The following SPTBN5 variants were observed in gnomAD, a reference collection of about 807,000 sequenced individuals.
The protein encoded by SPTBN5 is spectrin beta, non-erythrocytic 5, also known as spectrin beta chain, non-erythrocytic 5.
SPTBN5 carries 513 observed loss-of-function variants against 477.6 expected under a neutral mutation model. The observed-to-expected ratio is 1.07, with a 90% CI of 1.00 to 1.16. The LOEUF (loss-of-function observed/expected upper bound fraction) is 1.16. Ranked by LOEUF, SPTBN5 falls within the 50% of genes most tolerant of loss-of-function variation. The pLI, the probability that SPTBN5 is intolerant of heterozygous loss-of-function variation, is 0.00. For missense variants in SPTBN5, 5,062 were observed against 4,731.8 expected (o/e 1.07, Z -2.05); for synonymous variants, 2,169 against 2,011.7 (o/e 1.08, Z -2.09).
Position 41,873,494 on chromosome 15 carries a change from G to T in SPTBN5, c.5005C>A (p.Gln1669Lys). The change falls in exon 26 of 68, where the codon CAG (glutamine) becomes AAG (lysine). Residue 1669 changes from glutamine to lysine, a missense_variant and splice_region_variant. Coordinates refer to ENST00000320955, the MANE Select transcript of SPTBN5 (RefSeq NM_016642.4). ...AGGGGAGGCTCAGGACGTGGTACCT[G>T]GTGCTTGTTAATGAGCCTGAGGGTG... ...AATLRLINKH[Q>K]ALQEELAIYW... 1.3e-6 allele frequency: 2 copies of T among 1,550,632 alleles called. No individual in the cohort carries two copies. The highest frequency in any genetic ancestry group is 2.4e-5 in the East Asian group (1 of 40,916).
chr15:41,866,604 C>T (rs1168831900), intron 36 of SPTBN5, 111 bp from the exon 37 acceptor site: 6 of 1,251,294 alleles, frequency 4.8e-6, no homozygotes, highest in Non-Finnish European at 6.3e-6. Flanking sequence ...GTGGGGCGGG[C>T]AGCACCTGGT....
At chr15:41,863,581 C>T in intron 41 of SPTBN5, 123 bp downstream of exon 41, 2 of 745,606 alleles carry the variant, frequency 2.7e-6, no homozygotes, top group Non-Finnish European at 4.5e-6. Context: ...GACCCACCTC[C>T]AAGTACCCAG....
At chr15:41,851,947 T>C in intron 62 of SPTBN5, 97 bp from the exon 63 acceptor site, 1 of 1,063,536 alleles carries the variant, frequency 9.4e-7, no homozygotes, top group Non-Finnish European at 1.4e-6. Flanking sequence ...ATTCCTCCCA[T>C]CCAAGTACTA....
chr15:41,860,156 C>A lies in SPTBN5; in HGVS notation c.7988+430G>T, dbSNP rs184156712. ...CACAGTGCTTTCGTCCTCATCACAG[C>A]CGTTAAAGCCCAGGATGTGAGGCTC... On this transcript the variant is annotated intron_variant, in intron 47 of 67. Transcript: ENST00000320955. Among the ~76,000 whole-genome samples the A allele has an allele frequency of 3.2e-3, 494 of 152,320 alleles. 2 individuals are homozygous for A. Among genetic ancestry groups the A allele is most frequent in the Non-Finnish European group, 4.8e-3 (328 of 68,014 alleles).
At position 41,861,939 on chromosome 15, in the gene SPTBN5, G is replaced by T. The variant is rs912855940; in HGVS notation, c.7549-16C>A. ...CCAGCTCGGCCTGGAACAGGACTGG[G>T]CTCAGATCACTGGGGGCTGGAAGCA... is the stretch of plus-strand genomic sequence containing the variant. On this transcript the variant is annotated splice_polypyrimidine_tract_variant and intron_variant, in intron 44 of 67. Transcript: ENST00000320955. 6.3e-7 allele frequency: 1 copy of T among 1,591,166 alleles called. No homozygotes were observed. Among genetic ancestry groups the T allele is most frequent in the East Asian group, 2.3e-5 (1 of 44,282 alleles).
At chr15:41,868,683 C>T (rs773503113) in intron 32 of SPTBN5, 82 bp from the exon 33 acceptor site, 37 of 1,414,710 alleles carry the variant, frequency 2.6e-5, no homozygotes, top group Non-Finnish European at 3.6e-5. Flanking sequence ...AACTGCAGCC[C>T]ACCTGAGTCC....
At chr15:41,849,151 A>G (rs1205489328) in intron 67 of SPTBN5, among the ~76,000 whole-genome samples, 2 of 152,208 alleles carry the variant, frequency 1.3e-5, no homozygotes, top group Admixed American at 1.3e-4. Context: ...TCCCTCCTCC[A>G]CTTTCACCTA....
Position 41,874,296 on chromosome 15 carries a change from T to C in SPTBN5, c.4685A>G (p.His1562Arg). The C allele has an allele frequency of 6.2e-7, 1 of 1,610,638 alleles. No homozygotes were observed. Among genetic ancestry groups the C allele is most frequent in the Middle Eastern group, 1.7e-4 (1 of 6,034 alleles). Reference sequence around the variant, plus strand: ...TAGGAAGAAGAGGGCTATTACCTTGTGCTTGCGGTGAAGGCTCTGGGCACC... The same window carrying C: ...TAGGAAGAAGAGGGCTATTACCTTGCGCTTGCGGTGAAGGCTCTGGGCACC... ...LNGAQSLHRK[H>R]KELQVEVKAH... The change falls in exon 24 of 68, where the codon CAC becomes CGC. Residue 1562 changes from histidine to arginine, a missense_variant. By Grantham distance (29) the His-to-Arg change is conservative. Transcript: ENST00000320955.
At chr15:41,866,663 C>T (rs2066327668) in intron 36 of SPTBN5, 170 bp from the exon 37 acceptor site, 2 of 849,722 alleles carry the variant, frequency 2.4e-6, no homozygotes, top group Non-Finnish European at 3.4e-6. Flanking sequence ...CAGGAGGCAG[C>T]CGGGCAGGGC....
At position 41,848,235 on chromosome 15, in the gene SPTBN5, T is replaced by G; in HGVS notation, c.*381A>C. On this transcript the variant is annotated 3_prime_UTR_variant, in exon 68 of 68. Transcript: ENST00000320955. ...TACATGGCAAGGGCTGGTACAGAGC[T>G]CGCTCATCAGTGTTCTTCCTCCGAA... The G allele has an allele frequency of 2.0e-6, 1 of 494,204 alleles. No individual in the cohort carries two copies. The allele number at this position is 494,204 out of a possible 1,614,324, so 30.6% of individuals were successfully genotyped here.
chr15:41,874,808 G>T, intron 23 of SPTBN5, 34 bp downstream of exon 23: 1 of 1,577,814 alleles, frequency 6.3e-7, no homozygotes, highest in Non-Finnish European at 8.6e-7. Flanking sequence ...ACATGGAGGA[G>T]TGACACACAG....
intron 39 of SPTBN5, among the ~76,000 whole-genome samples, chr15:41,865,255 G>A (rs373804032): frequency 1.3e-5 from 2 of 152,174 alleles, no homozygotes; most frequent in Admixed American, 1.3e-4. Context: ...GTGAGAAGAC[G>A]CTGAGACGCT....
chr15:41,890,246 TC>T, intron 3 of SPTBN5, 41 bp from the exon 4 acceptor site: 1 of 1,405,536 alleles, frequency 7.1e-7, no homozygotes, highest in Non-Finnish European at 1.0e-6. Flanking sequence ...GAAGCCCATG[TC>T]CAGAGAGGAC....
intron 41 of SPTBN5, 89 bp downstream of exon 41, chr15:41,863,615 G>A (rs1029292532): frequency 2.5e-5 from 26 of 1,026,180 alleles, no homozygotes; most frequent in Non-Finnish European, 3.6e-5. Context: ...GCCAGTGAGG[G>A]GGGAGACGCA....
intron 16 of SPTBN5, 98 bp downstream of exon 16, chr15:41,879,162 C>T (rs2066856132): frequency 1.4e-6 from 2 of 1,443,288 alleles, no homozygotes; most frequent in South Asian, 1.4e-5. Context: ...CCTGTTGTCT[C>T]CCCATCCCAA....
chr15:41,892,274 C>T (rs573867157), intron 3 of SPTBN5, among the ~76,000 whole-genome samples: 6 of 152,286 alleles, frequency 3.9e-5, no homozygotes, highest in South Asian at 2.1e-4. Context: ...TCACAGTTCC[C>T]GGTTTCCAAT....
chr15:41,860,804 C>A, intron 46 of SPTBN5, 46 bp from the exon 47 acceptor site: 1 of 1,426,142 alleles, frequency 7.0e-7, no homozygotes, highest in East Asian at 2.7e-5. Context: ...CCTCCCCCTC[C>A]CATCCCAGGC....
chr15:41,849,443 T>C (rs542233513), intron 67 of SPTBN5, among the ~76,000 whole-genome samples: 2 of 152,130 alleles, frequency 1.3e-5, no homozygotes, highest in Admixed American at 6.5e-5. Context: ...GGGCAGGGTC[T>C]GGCCGTCCTG....
rs144748919 is a variant in SPTBN5 at position 41,881,829 on chromosome 15, G to A, written c.2457+107C>T. The A allele has an allele frequency of 5.3e-4, 601 of 1,129,724 alleles. 10 individuals carry two copies. In the East Asian group the frequency reaches 0.016, roughly 31 times the overall value. The allele number at this position is 1,129,724 out of a possible 1,614,324, so 70.0% of individuals were successfully genotyped here. ...ACACCTACACCCACGGGAAGGCCAC[G>A]AATCCTGGGCCAGAGGCCACAAAGG... On this transcript the variant is annotated intron_variant, in intron 12 of 67. Coordinates refer to ENST00000320955, the MANE Select transcript of SPTBN5 (RefSeq NM_016642.4).
Sources: allele counts gnomAD v4.1 joint callset (sites outside exome capture counted in the v4.1 genomes callset), GRCh38; gene constraint gnomAD v4.1.1; transcripts MANE v1.5; gene names NCBI Gene and HGNC (gene_info 2026-07-23, HGNC 2026-07-21).